Variants in COG6 observed in about 807,000 individuals in gnomAD.
COG6 encodes the protein conserved oligomeric Golgi complex subunit 6.
COG6 carries 74 observed loss-of-function variants against 88.8 expected under a neutral mutation model. The observed-to-expected ratio is 0.83, with a 90% CI of 0.69 to 1.01. The LOEUF (loss-of-function observed/expected upper bound fraction) is 1.01. COG6 is among the 50% of genes least tolerant of loss of function. The pLI, the probability that COG6 is intolerant of heterozygous loss-of-function variation, is 0.00. For synonymous variants in COG6, 286 were observed against 278.7 expected, an observed-to-expected ratio of 1.03 and a Z score of -0.26; for missense variants, 800 against 797.9, an observed-to-expected ratio of 1.00 and a Z score of -0.03.
rs777327325 is a variant in COG6 at position 39,699,494 on chromosome 13, C to CT, written c.1167-3dup. On this transcript the variant is annotated splice_region_variant and splice_polypyrimidine_tract_variant and intron_variant, in intron 12 of 18. Coordinates refer to ENST00000455146, the MANE Select transcript of COG6 (RefSeq NM_020751.3). The stretch of plus-strand genomic sequence containing the variant: ...GTTTTGCAACCTGAAATATTCTTTG[C>CT]TTTTAGTGGTATTGTTGGAAATAGT... 3 of 1,383,184 alleles carry CT rather than the reference C, an allele frequency of 2.2e-6. No individual in the cohort carries two copies. In the South Asian group the frequency reaches 3.5e-5, roughly 16 times the overall value. The allele number at this position is 1,383,184 out of a possible 1,614,324, so 85.7% of individuals were successfully genotyped here.
rs142616377 is a variant in COG6 at position 39,680,000 on chromosome 13, T to C, written c.649T>C (p.Leu217=). 3.2e-6 allele frequency: 5 copies of C among 1,582,458 alleles called. No individual in the cohort carries two copies. In the East Asian group the frequency reaches 9.0e-5, roughly 28 times the overall value. ...TTTAGAAATTATGGAACAGATGGCC[T>C]TACTTCAAGAAACGGCTTATGAAAG... The part of the protein sequence containing the change: ...AGLEIMEQMA[L]LQETAYERLY... The change falls in exon 7 of 19, where the codon TTA becomes CTA. Residue 217 remains leucine (L), a synonymous_variant. Transcript: ENST00000455146.
At chr13:39,729,678 GTCTA>G (rs1197998232) in intron 18 of COG6, among the ~76,000 whole-genome samples, 9 of 152,272 alleles carry the variant, frequency 5.9e-5, no homozygotes, top group African/African-American at 2.2e-4. Flanking sequence ...GAGAACTTCT[GTCTA>G]TCAGACTGCT....
intron 1 of COG6, chr13:39,656,679 A>G: frequency 2.8e-6 from 1 of 360,346 alleles, no homozygotes; most frequent in Non-Finnish European, 5.4e-6. Context: ...GTCGATAACA[A>G]TTTGATTCCG....
intron 13 of COG6, among the ~76,000 whole-genome samples, chr13:39,716,365 A>T (rs1349550194): frequency 6.6e-6 from 1 of 151,992 alleles, no homozygotes; most frequent in Non-Finnish European, 1.5e-5. Flanking sequence ...ATATCCTTGT[A>T]CATCTAATTT....
At chr13:39,668,325 G>A (rs947790177) in intron 4 of COG6, among the ~76,000 whole-genome samples, 10 of 151,994 alleles carry the variant, frequency 6.6e-5, no homozygotes, top group Non-Finnish European at 1.5e-4. Flanking sequence ...ACTATAATTT[G>A]AAACACCTGG....
At chr13:39,717,288 CTGTAG>C in intron 13 of COG6, among the ~76,000 whole-genome samples, 1 of 151,866 alleles carries the variant, frequency 6.6e-6, no homozygotes, top group East Asian at 1.9e-4. Flanking sequence ...ATGTGTGTTA[CTGTAG>C]GTCTCTTGAG....
intron 10 of COG6, among the ~76,000 whole-genome samples, chr13:39,689,455 C>G (rs966915588): frequency 2.6e-5 from 4 of 152,024 alleles, no homozygotes; most frequent in Non-Finnish European, 5.9e-5. Context: ...TACATTTCAC[C>G]CTCTTTTTTT....
chr13:39,718,215 G>A (rs1167843789), intron 13 of COG6, among the ~76,000 whole-genome samples: 1 of 151,948 alleles, frequency 6.6e-6, no homozygotes, highest in Admixed American at 6.6e-5. Context: ...GAAGGAGAGA[G>A]TATTTTTGGA....
At chr13:39,659,251 G>T in intron 1 of COG6, 113 bp from the exon 2 acceptor site, 1 of 992,480 alleles carries the variant, frequency 1.0e-6, no homozygotes, top group Middle Eastern at 3.0e-4. Flanking sequence ...ATATTTTTCG[G>T]ATTGGTTAAT....
intron 18 of COG6, among the ~76,000 whole-genome samples, chr13:39,730,315 G>A (rs1879365852): frequency 6.6e-6 from 1 of 151,884 alleles, no homozygotes; most frequent in South Asian, 2.1e-4. Context: ...TTTTCATTCA[G>A]AAATATTTTT....
At chr13:39,704,433 A>G (rs1352992493) in intron 13 of COG6, among the ~76,000 whole-genome samples, 1 of 152,194 alleles carries the variant, frequency 6.6e-6, no homozygotes, top group East Asian at 1.9e-4. Flanking sequence ...AGTGAAAGGA[A>G]AATGTTATTA....
chr13:39,674,420 A>G (rs1593415639), intron 4 of COG6, among the ~76,000 whole-genome samples: 1 of 152,124 alleles, frequency 6.6e-6, no homozygotes, highest in Admixed American at 6.6e-5. Flanking sequence ...TACGACAGAG[A>G]TAAGTTTTCA....
intron 18 of COG6, among the ~76,000 whole-genome samples, chr13:39,777,921 C>T (rs769237414): frequency 6.6e-6 from 1 of 152,150 alleles, no homozygotes; most frequent in African/African-American, 2.4e-5. Context: ...GGGAGAGAAA[C>T]AAGAACTACC....
In COG6 at chr13:39,695,288, G is replaced by C. The variant is rs140581625; in HGVS notation, c.1166+563G>C. Among the ~76,000 whole-genome samples, 61 of 151,740 alleles carry C rather than the reference G, an allele frequency of 4.0e-4. 1 individual carries two copies. In the East Asian group the frequency reaches 9.3e-3, roughly 23 times the overall value. On this transcript the variant is annotated intron_variant, in intron 12 of 18. Transcript: ENST00000455146. ...CATAACAGCAACTTTATCTGATTAG[G>C]AACCACTTGTCTTATATAAAATGTG...
At chr13:39,758,081 G>A (rs556177635) in intron 18 of COG6, among the ~76,000 whole-genome samples, 23 of 151,902 alleles carry the variant, frequency 1.5e-4, no homozygotes, top group Non-Finnish European at 1.8e-4. Flanking sequence ...TTAGCTGGGC[G>A]TGGTGGCGGA....
intron 1 of COG6, 138 bp downstream of exon 1, chr13:39,656,017 C>A: frequency 9.0e-7 from 1 of 1,115,908 alleles, no homozygotes; most frequent in Non-Finnish European, 1.3e-6. Flanking sequence ...GACCTGCGGG[C>A]TCCGCTGCTC....
chr13:39,664,747 T>C lies in COG6; in HGVS notation c.370-349T>C, dbSNP rs1875137874. On this transcript the variant is annotated intron_variant, in intron 3 of 18. Transcript: ENST00000455146. ...ACAACCCCATGTAAAGGTTGCATGG[T>C]ATCTCAGTTCAACACGTCCATACCT... 2.0e-5 allele frequency among the ~76,000 whole-genome samples: 3 copies of C among 152,228 alleles called. No homozygotes were observed. In the South Asian group the frequency reaches 6.2e-4, roughly 32 times the overall value.
intron 18 of COG6, among the ~76,000 whole-genome samples, chr13:39,786,459 G>C (rs552856263): frequency 6.2e-4 from 95 of 152,184 alleles, no homozygotes; most frequent in Non-Finnish European, 1.3e-3. Context: ...CAATGGGCAG[G>C]GAGTGGAGAG....
intron 18 of COG6, among the ~76,000 whole-genome samples, chr13:39,786,623 C>T (rs1312803399): frequency 6.6e-6 from 1 of 152,134 alleles, no homozygotes; most frequent in African/African-American, 2.4e-5. Flanking sequence ...ACAAAGGTGG[C>T]ATTTCAGACA....
Sources: gnomAD v4.1 joint callset for allele counts (sites outside exome capture counted in the v4.1 genomes callset) on GRCh38, gnomAD v4.1.1 for gene constraint, MANE v1.5 for transcripts, NCBI Gene and HGNC (gene_info 2026-07-23, HGNC 2026-07-21) for gene names.